Variants in DPP10 observed in about 807,000 individuals in gnomAD.
DPP10 encodes inactive dipeptidyl peptidase 10.
In DPP10, 33 loss-of-function variants were observed where a neutral mutation model predicts 120.9. The observed-to-expected ratio is 0.27, with a 90% confidence interval of 0.21 to 0.37. The LOEUF is 0.37. DPP10 is among the 10% of genes least tolerant of loss of function. The pLI, the probability that DPP10 is intolerant of heterozygous loss-of-function variation, is 1.00. For synonymous variants in DPP10, 337 were observed against 326.1 expected, an observed-to-expected ratio of 1.03 and a Z score of -0.36; for missense variants, 816 against 942.8, an observed-to-expected ratio of 0.87 and a Z score of 1.76.
At chr2:115,091,630 G>A (rs377587787) in intron 1 of DPP10, among the ~76,000 whole-genome samples, 23 of 152,200 alleles carry the variant, frequency 1.5e-4, no homozygotes, top group East Asian at 3.9e-4. Context: ...TTGGCCGTCC[G>A]TCCTACCAAT....
At chr2:115,546,583 A>C (rs1407388366) in intron 5 of DPP10, among the ~76,000 whole-genome samples, 1 of 152,146 alleles carries the variant, frequency 6.6e-6, no homozygotes, top group East Asian at 1.9e-4. Context: ...CTCTCTTTGG[A>C]ATGAGTTAGA....
intron 1 of DPP10, among the ~76,000 whole-genome samples, chr2:114,986,252 T>C (rs1700382981): frequency 1.3e-5 from 2 of 152,216 alleles, no homozygotes; most frequent in African/African-American, 4.8e-5. Context: ...TCCCACAAAC[T>C]TCTAAAAGCA....
intron 1 of DPP10, among the ~76,000 whole-genome samples, chr2:115,176,883 G>C (rs1406733775): frequency 6.6e-6 from 1 of 152,220 alleles, no homozygotes; most frequent in African/African-American, 2.4e-5. Context: ...TTTCTCATGT[G>C]TTTGGTGAGC....
intron 3 of DPP10, among the ~76,000 whole-genome samples, chr2:115,497,129 A>G (rs899255037): frequency 6.6e-6 from 1 of 152,086 alleles, no homozygotes; most frequent in Non-Finnish European, 1.5e-5. Flanking sequence ...CTCTGGCCAC[A>G]TGACTTTTGA....
At chr2:114,779,842 A>G (rs571254144) in intron 1 of DPP10, among the ~76,000 whole-genome samples, 1 of 152,316 alleles carries the variant, frequency 6.6e-6, no homozygotes, top group African/African-American at 2.4e-5. Flanking sequence ...ATAACATAAG[A>G]AAGGAGGGAA....
chr2:115,585,071 T>C (rs976729669), intron 5 of DPP10, among the ~76,000 whole-genome samples: 18 of 152,214 alleles, frequency 1.2e-4, no homozygotes, highest in African/African-American at 3.9e-4. Context: ...AGCAATAACC[T>C]TATTACAGGG....
chr2:114,753,908 C>CAAAAAAAAAAAAAA (rs777798352), intron 1 of DPP10, among the ~76,000 whole-genome samples: 1 of 33,764 alleles, frequency 3.0e-5, no homozygotes, highest in Non-Finnish European at 6.5e-5. Flanking sequence ...GACTCCTTCT[C>CAAAAAAAAAAAAAA]AAAAAAAAAA....
intron 5 of DPP10, among the ~76,000 whole-genome samples, chr2:115,656,786 A>T (rs1330324417): frequency 6.6e-6 from 1 of 151,692 alleles, no homozygotes; most frequent in East Asian, 1.9e-4. Context: ...ACACAACTAC[A>T]ATATTGGAAG....
intron 1 of DPP10, among the ~76,000 whole-genome samples, chr2:114,507,117 G>T (rs1160573601): frequency 7.0e-6 from 1 of 143,700 alleles, no homozygotes; most frequent in Non-Finnish European, 1.5e-5. Context: ...GTGTGATCTT[G>T]GCTCACTGCA....
intron 5 of DPP10, among the ~76,000 whole-genome samples, chr2:115,587,596 A>G (rs1558888293): frequency 6.6e-6 from 1 of 152,212 alleles, no homozygotes; most frequent in African/African-American, 2.4e-5. Context: ...GCAATCTCAT[A>G]TTTATTGCAG....
intron 1 of DPP10, among the ~76,000 whole-genome samples, chr2:114,914,982 T>G (rs893381711): frequency 6.6e-6 from 1 of 151,930 alleles, no homozygotes; most frequent in African/African-American, 2.4e-5. Flanking sequence ...ATACAAAAAA[T>G]TAGCCGGGCG....
intron 1 of DPP10, among the ~76,000 whole-genome samples, chr2:114,475,866 G>T (rs988199076): frequency 6.6e-6 from 1 of 152,188 alleles, no homozygotes; most frequent in East Asian, 1.9e-4. Context: ...AGGGTAACTT[G>T]ATAGTGACTA....
chr2:114,731,365 T>A (rs911424158), intron 1 of DPP10, among the ~76,000 whole-genome samples: 107 of 152,314 alleles, frequency 7.0e-4, no homozygotes, highest in African/African-American at 2.4e-3. Flanking sequence ...CTCCTGCTAA[T>A]AATAGTGTCA....
At chr2:114,661,181 T>C (rs532160642) in intron 1 of DPP10, among the ~76,000 whole-genome samples, 1 of 152,312 alleles carries the variant, frequency 6.6e-6, no homozygotes, top group African/African-American at 2.4e-5. Context: ...AGTTGAGTGT[T>C]CTGGAATGCT....
At chr2:115,192,841 C>G (rs888399790) in intron 1 of DPP10, among the ~76,000 whole-genome samples, 2 of 150,804 alleles carry the variant, frequency 1.3e-5, no homozygotes, top group Admixed American at 6.6e-5. Context: ...TAAGAAAAAC[C>G]CATTGTGCTT....
chr2:115,250,368 T>C (rs1025137066), intron 1 of DPP10, among the ~76,000 whole-genome samples: 1 of 152,218 alleles, frequency 6.6e-6, no homozygotes, highest in Non-Finnish European at 1.5e-5. Flanking sequence ...GTCGCAGAAG[T>C]TAAAACCTTA....
At chr2:115,405,498 G>C (rs1193855297) in intron 3 of DPP10, among the ~76,000 whole-genome samples, 1 of 152,138 alleles carries the variant, frequency 6.6e-6, no homozygotes, top group African/African-American at 2.4e-5. Context: ...ACTTCTGTGG[G>C]TCTGGAGTCC....
rs1172261359 is a variant in DPP10, at chr2:115,815,745, G to T, written c.1950+16G>T. ...TTTTGGAAAGGTAAATAGTAGAAAT[G>T]CTGAATCTATCTTTTTATGCGTATC... On this transcript the variant is annotated intron_variant, in intron 21 of 25. Transcript: ENST00000410059. The T allele has an allele frequency of 2.5e-6, 4 of 1,585,848 alleles. No individual in the cohort carries two copies. The highest frequency in any genetic ancestry group is 2.3e-5 in the East Asian group (1 of 44,284).
chr2:114,774,527 A>G (rs1166523634), intron 1 of DPP10, among the ~76,000 whole-genome samples: 1 of 151,268 alleles, frequency 6.6e-6, no homozygotes, highest in Non-Finnish European at 1.5e-5. Flanking sequence ...ACTCCTTAAC[A>G]CTATCTTAAA....
Sources: allele counts gnomAD v4.1 joint callset (sites outside exome capture counted in the v4.1 genomes callset), GRCh38; gene constraint gnomAD v4.1.1; transcripts MANE v1.5; gene names NCBI Gene and HGNC (gene_info 2026-07-23, HGNC 2026-07-21).